The following HACD3 variants were observed in gnomAD, a reference collection of about 807,000 sequenced individuals.
HACD3 encodes the protein very-long-chain (3R)-3-hydroxyacyl-CoA dehydratase 3.
HACD3 carries 30 observed loss-of-function variants against 55.2 expected under a neutral mutation model. The ratio of observed to expected loss-of-function variants is 0.54; its 90% CI spans 0.41 to 0.74. The LOEUF (loss-of-function observed/expected upper bound fraction) is 0.74, where lower values mean the gene tolerates loss of function less well. HACD3 is among the 30% of genes least tolerant of loss of function. The probability of loss-of-function intolerance (pLI) is 0.00; values close to 1 mark genes in which losing one functional copy is unlikely to be tolerated. For synonymous variants in HACD3, 141 were observed against 151.7 expected (o/e 0.93, Z 0.52); for missense variants, 363 against 440.1 (o/e 0.82, Z 1.57).
intron 1 of HACD3, among the ~76,000 whole-genome samples, chr15:65,548,657 C>T (rs943513955): frequency 5.3e-5 from 8 of 151,992 alleles, no homozygotes; most frequent in Non-Finnish European, 7.4e-5. Flanking sequence ...ACTGCAGCTT[C>T]GACCTCCTGG....
At chr15:65,572,950 TAAAA>T (rs397959532) in intron 10 of HACD3, among the ~76,000 whole-genome samples, 1 of 140,824 alleles carries the variant, frequency 7.1e-6, no homozygotes, top group Admixed American at 7.1e-5. Context: ...AAATAAAAAT[TAAAA>T]AAAAAAAAGT....
At chr15:65,571,693 A>C in intron 9 of HACD3, 39 bp downstream of exon 9, 1 of 1,494,996 alleles carries the variant, frequency 6.7e-7, no homozygotes, top group Non-Finnish European at 9.3e-7. Context: ...GCTTAGCTCC[A>C]GGGGGTACCC....
intron 10 of HACD3, among the ~76,000 whole-genome samples, chr15:65,572,675 G>A (rs756368966): frequency 3.9e-5 from 6 of 152,102 alleles, no homozygotes; most frequent in Non-Finnish European, 7.4e-5. Context: ...CCAGCACTTT[G>A]GGAGGCTGAG....
intron 6 of HACD3, 59 bp from the exon 7 acceptor site, chr15:65,564,156 A>G: frequency 6.4e-7 from 1 of 1,559,658 alleles, no homozygotes; most frequent in Non-Finnish European, 8.8e-7. Context: ...CTAGTTTGAG[A>G]AATAGTTCTG....
At chr15:65,572,178 T>A in intron 9 of HACD3, 57 bp from the exon 10 acceptor site, 1 of 1,593,046 alleles carries the variant, frequency 6.3e-7, no homozygotes, top group Non-Finnish European at 8.5e-7. Context: ...TGGAAGTTCC[T>A]GTCATTAAAT....
intron 8 of HACD3, 25 bp from the exon 9 acceptor site, chr15:65,571,523 C>T: frequency 6.4e-7 from 1 of 1,567,736 alleles, no homozygotes; most frequent in Non-Finnish European, 8.8e-7. Context: ...TGGCTTTTCA[C>T]ATTGGAATCA....
At chr15:65,541,552 C>T (rs947836029) in intron 1 of HACD3, among the ~76,000 whole-genome samples, 3 of 152,012 alleles carry the variant, frequency 2.0e-5, no homozygotes, top group Non-Finnish European at 4.4e-5. Context: ...TATGTGATGG[C>T]GGGGGTGTCT....
At chr15:65,560,760 AC>A (rs1394738698) in intron 5 of HACD3, among the ~76,000 whole-genome samples, 2 of 149,704 alleles carry the variant, frequency 1.3e-5, no homozygotes, top group African/African-American at 4.9e-5. Flanking sequence ...CTATGGTCCC[AC>A]CACTGCATTC....
chr15:65,534,199 C>G (rs1334847862), intron 1 of HACD3: 45 of 152,244 alleles, frequency 3.0e-4, no homozygotes, highest in Admixed American at 2.9e-3. Context: ...TTAACACTCT[C>G]TGCTTTCTAT....
chr15:65,571,064 A>T (rs1377529580), intron 8 of HACD3, among the ~76,000 whole-genome samples: 1 of 152,254 alleles, frequency 6.6e-6, no homozygotes, highest in African/African-American at 2.4e-5. Flanking sequence ...CTTATGAGCT[A>T]TAAAAGGATC....
At chr15:65,560,077 A>G (rs1296173508) in intron 5 of HACD3, among the ~76,000 whole-genome samples, 1 of 149,538 alleles carries the variant, frequency 6.7e-6, no homozygotes. Flanking sequence ...GGGTCTTGCT[A>G]TGCTGTCCAG....
chr15:65,549,529 G>T (rs908002914), intron 1 of HACD3, among the ~76,000 whole-genome samples: 7 of 150,752 alleles, frequency 4.6e-5, no homozygotes, highest in African/African-American at 1.7e-4. Context: ...GAGCCTGGGA[G>T]GTGGAGGTTG....
chr15:65,555,327 A>G (rs975288151), intron 3 of HACD3, among the ~76,000 whole-genome samples: 1 of 152,250 alleles, frequency 6.6e-6, no homozygotes, highest in Non-Finnish European at 1.5e-5. Flanking sequence ...AGAGTTACAT[A>G]GAGTGGTTGA....
chr15:65,546,539 A>C (rs975247288), intron 1 of HACD3, among the ~76,000 whole-genome samples: 3 of 152,198 alleles, frequency 2.0e-5, no homozygotes. Flanking sequence ...AAAACCAAAT[A>C]TGACATTTAG....
intron 2 of HACD3, 36 bp downstream of exon 2, chr15:65,551,754 C>G: frequency 6.2e-7 from 1 of 1,609,298 alleles, no homozygotes. Flanking sequence ...TCTCTATACA[C>G]AGTTAAGGAG....
At chr15:65,563,536 G>C (rs189495296) in intron 6 of HACD3, among the ~76,000 whole-genome samples, 63 of 152,274 alleles carry the variant, frequency 4.1e-4, no homozygotes, top group African/African-American at 1.5e-3. Flanking sequence ...AGGTGTAGTA[G>C]CTCATACCTG....
intron 7 of HACD3, chr15:65,566,440 A>G (rs2072293183): frequency 1.9e-5 from 3 of 157,050 alleles, no homozygotes; most frequent in Non-Finnish European, 4.2e-5. Flanking sequence ...AGGTCTCACA[A>G]TTGTGGTGCA....
rs767452850 is a variant in HACD3, at chr15:65,562,919, C to T, written c.532+35C>T. The T allele has an allele frequency of 2.5e-6, 4 of 1,606,964 alleles. No individual in the cohort carries two copies. In the Admixed American group the frequency reaches 6.8e-5, roughly 27 times the overall value. ...ACATTTTTGGATTAATTTTCCCTTTCTCAGTAGTTTGGCCCAGTATTCACC... is the reference window on the plus strand; with the variant it reads ...ACATTTTTGGATTAATTTTCCCTTTTTCAGTAGTTTGGCCCAGTATTCACC... On this transcript the variant is annotated intron_variant, in intron 6 of 10. Transcript: ENST00000261875.
chr15:65,544,914 G>C (rs1436899465), intron 1 of HACD3, among the ~76,000 whole-genome samples: 3 of 151,846 alleles, frequency 2.0e-5, no homozygotes, highest in African/African-American at 7.3e-5. Context: ...CCAGCTGCTC[G>C]GGAGGCTGAG....
Sources: allele counts gnomAD v4.1 joint callset (sites outside exome capture counted in the v4.1 genomes callset), GRCh38; gene constraint gnomAD v4.1.1; transcripts MANE v1.5; gene names NCBI Gene and HGNC (gene_info 2026-07-23, HGNC 2026-07-21).